Variants in SGCZ observed in about 807,000 individuals in gnomAD.
The protein encoded by SGCZ is sarcoglycan zeta, also known as zeta-sarcoglycan.
SGCZ carries 40 observed loss-of-function variants against 41.3 expected under a neutral mutation model. The observed-to-expected ratio is 0.97, with a 90% CI of 0.75 to 1.26. The LOEUF (loss-of-function observed/expected upper bound fraction) is 1.26. Among genes scored for constraint, SGCZ ranks in the 50% most tolerant of loss-of-function variants. The pLI is 0.00. For synonymous variants in SGCZ, 206 were observed against 137.5 expected, an observed-to-expected ratio of 1.50 and a Z score of -3.49; for missense variants, 552 against 369.8, an observed-to-expected ratio of 1.49 and a Z score of -4.04.
chr8:15,164,231 G>A (rs1585629681), intron 1 of SGCZ, among the ~76,000 whole-genome samples: 1 of 152,204 alleles, frequency 6.6e-6, no homozygotes, highest in Admixed American at 6.5e-5. Context: ...GAAGTGGTGA[G>A]TGAAATGGGG....
At chr8:14,884,560 A>G (rs1388992725) in intron 1 of SGCZ, among the ~76,000 whole-genome samples, 1 of 152,096 alleles carries the variant, frequency 6.6e-6, no homozygotes, top group East Asian at 1.9e-4. Flanking sequence ...AGTTTCCTAC[A>G]AAGGAGAAAT....
At chr8:14,296,777 G>T (rs935001093) in intron 3 of SGCZ, among the ~76,000 whole-genome samples, 2 of 151,646 alleles carry the variant, frequency 1.3e-5, no homozygotes, top group East Asian at 3.9e-4. Flanking sequence ...GTAATAAAAG[G>T]GGGTCAAATA....
At chr8:14,489,851 C>CA (rs1801790407) in intron 2 of SGCZ, among the ~76,000 whole-genome samples, 1 of 138,876 alleles carries the variant, frequency 7.2e-6, no homozygotes, top group African/African-American at 2.8e-5. Flanking sequence ...ACTGGCTCGC[C>CA]GAAAAATTCT....
intron 2 of SGCZ, among the ~76,000 whole-genome samples, chr8:14,431,037 T>C (rs1432113205): frequency 1.3e-5 from 2 of 152,080 alleles, no homozygotes; most frequent in South Asian, 2.1e-4. Flanking sequence ...CTGAAAGACA[T>C]CATAGATGTC....
chr8:14,927,257 C>A (rs1475085477), intron 1 of SGCZ, among the ~76,000 whole-genome samples: 4 of 151,714 alleles, frequency 2.6e-5, no homozygotes, highest in African/African-American at 9.7e-5. Context: ...TACAGGCGTC[C>A]GCCACCACGC....
intron 6 of SGCZ, among the ~76,000 whole-genome samples, chr8:14,105,973 GAATA>G (rs1406436168): frequency 6.6e-6 from 1 of 151,982 alleles, no homozygotes; most frequent in Non-Finnish European, 1.5e-5. Flanking sequence ...TAAGTTTATT[GAATA>G]AATTGGTAAA....
At chr8:14,629,653 G>A (rs1240268887) in intron 1 of SGCZ, among the ~76,000 whole-genome samples, 2 of 152,078 alleles carry the variant, frequency 1.3e-5, no homozygotes, top group African/African-American at 4.8e-5. Flanking sequence ...CACATCCATG[G>A]TATTTGTCCA....
intron 2 of SGCZ, among the ~76,000 whole-genome samples, chr8:14,374,187 G>C (rs1452809886): frequency 6.6e-6 from 1 of 151,956 alleles, no homozygotes; most frequent in East Asian, 1.9e-4. Context: ...AGATCAGCCT[G>C]GACAACATGG....
intron 1 of SGCZ, among the ~76,000 whole-genome samples, chr8:15,187,077 A>G (rs746923931): frequency 1.3e-5 from 2 of 152,156 alleles, no homozygotes; most frequent in African/African-American, 2.4e-5. Flanking sequence ...AGAAGTTTTA[A>G]ATTAACTTTA....
At chr8:14,506,453 A>T (rs2117063719) in intron 2 of SGCZ, among the ~76,000 whole-genome samples, 1 of 152,046 alleles carries the variant, frequency 6.6e-6, no homozygotes, top group Non-Finnish European at 1.5e-5. Context: ...TTAAATAACC[A>T]AACAAATAAA....
At chr8:14,341,639 T>C (rs953099181) in intron 2 of SGCZ, among the ~76,000 whole-genome samples, 1 of 152,198 alleles carries the variant, frequency 6.6e-6, no homozygotes, top group African/African-American at 2.4e-5. Context: ...ACTTGAATTG[T>C]ATCTCCCAGA....
intron 1 of SGCZ, among the ~76,000 whole-genome samples, chr8:15,172,597 G>A (rs1350750546): frequency 2.6e-5 from 4 of 151,924 alleles, no homozygotes; most frequent in Non-Finnish European, 5.9e-5. Flanking sequence ...CAATTTACAT[G>A]GTCAACTTCA....
At chr8:14,262,322 A>C (rs1035474987) in intron 3 of SGCZ, among the ~76,000 whole-genome samples, 1 of 152,174 alleles carries the variant, frequency 6.6e-6, no homozygotes, top group African/African-American at 2.4e-5. Flanking sequence ...CAGTTGCCTT[A>C]CGTTGTTTAA....
intron 1 of SGCZ, among the ~76,000 whole-genome samples, chr8:15,126,261 AACT>A: frequency 6.6e-6 from 1 of 152,374 alleles, no homozygotes; most frequent in Non-Finnish European, 1.5e-5. Flanking sequence ...CATTTTTAAT[AACT>A]ACAAGTAGAA....
intron 2 of SGCZ, among the ~76,000 whole-genome samples, chr8:14,387,522 G>A (rs936030176): frequency 6.6e-6 from 1 of 151,984 alleles, no homozygotes; most frequent in Non-Finnish European, 1.5e-5. Context: ...ATCATTGCTG[G>A]TAATTTTATT....
chr8:14,222,460 G>A (rs970330519), intron 4 of SGCZ, among the ~76,000 whole-genome samples: 4 of 151,880 alleles, frequency 2.6e-5, no homozygotes, highest in African/African-American at 9.7e-5. Flanking sequence ...GAGCCACCGT[G>A]CCCGGCCACT....
intron 1 of SGCZ, among the ~76,000 whole-genome samples, chr8:14,906,827 G>A (rs1799132722): frequency 6.6e-6 from 1 of 152,170 alleles, no homozygotes; most frequent in African/African-American, 2.4e-5. Flanking sequence ...GGGTTCTTAT[G>A]AGAGAAATCA....
intron 2 of SGCZ, among the ~76,000 whole-genome samples, chr8:14,536,868 C>G (rs1803312488): frequency 1.3e-5 from 2 of 151,894 alleles, no homozygotes; most frequent in Admixed American, 1.3e-4. Flanking sequence ...TGTTAGTCTT[C>G]AGTGTTGAGC....
chr8:15,071,698 C>A (rs1377298424), intron 1 of SGCZ, among the ~76,000 whole-genome samples: 4 of 152,064 alleles, frequency 2.6e-5, no homozygotes, highest in Non-Finnish European at 5.9e-5. Flanking sequence ...TGGGTACCAA[C>A]CTCAAAGTTA....
Sources: allele counts gnomAD v4.1 joint callset (sites outside exome capture counted in the v4.1 genomes callset), GRCh38; gene constraint gnomAD v4.1.1; transcripts MANE v1.5; gene names NCBI Gene and HGNC (gene_info 2026-07-23, HGNC 2026-07-21).